Variants in CTNNA3 observed in about 807,000 individuals in gnomAD.
CTNNA3 encodes catenin alpha-3.
Under a neutral mutation model 95.7 loss-of-function variants are expected in CTNNA3, and 76 were observed. That is an observed-to-expected ratio of 0.79 (90% CI 0.66 to 0.96). The LOEUF is 0.96. Among genes scored for constraint, CTNNA3 ranks in the 40% least tolerant of loss-of-function variants. CTNNA3 has a pLI of 0.00. For missense variants in CTNNA3, 1,191 were observed against 1,089.8 expected (o/e 1.09, Z -1.31); for synonymous variants, 431 against 374.4 (o/e 1.15, Z -1.74).
chr10:66,676,186 C>T (rs979717023), intron 9 of CTNNA3, among the ~76,000 whole-genome samples: 1 of 140,366 alleles, frequency 7.1e-6, no homozygotes, highest in Admixed American at 7.0e-5. Flanking sequence ...AAAAAGAAAA[C>T]GGTGACAGAG....
At chr10:66,663,998 G>A (rs1450224976) in intron 9 of CTNNA3, among the ~76,000 whole-genome samples, 1 of 151,790 alleles carries the variant, frequency 6.6e-6, no homozygotes, top group Non-Finnish European at 1.5e-5. Context: ...TTATTCTTTT[G>A]TTTCCCTTAA....
chr10:66,157,271 A>G (rs2133921483), intron 13 of CTNNA3, among the ~76,000 whole-genome samples: 1 of 152,062 alleles, frequency 6.6e-6, no homozygotes, highest in African/African-American at 2.4e-5. Flanking sequence ...TAGTTCTCAT[A>G]TATCAGTGAG....
chr10:67,412,737 AT>A (rs1845412112), intron 5 of CTNNA3, among the ~76,000 whole-genome samples: 1 of 152,070 alleles, frequency 6.6e-6, no homozygotes, highest in African/African-American at 2.4e-5. Flanking sequence ...CCAACCAAAA[AT>A]TTTTATATCC....
chr10:67,584,176 G>T (rs1227052586), intron 3 of CTNNA3, among the ~76,000 whole-genome samples: 2 of 152,128 alleles, frequency 1.3e-5, no homozygotes, highest in East Asian at 3.9e-4. Flanking sequence ...TTTCTGCTCT[G>T]GTTTCTTCCC....
At chr10:67,185,406 G>A (rs1245573793) in intron 6 of CTNNA3, among the ~76,000 whole-genome samples, 1 of 152,086 alleles carries the variant, frequency 6.6e-6, no homozygotes, top group African/African-American at 2.4e-5. Flanking sequence ...GATTACAGGT[G>A]TGAGCCATCA....
At chr10:67,020,643 C>T (rs1282013368) in intron 7 of CTNNA3, among the ~76,000 whole-genome samples, 1 of 151,982 alleles carries the variant, frequency 6.6e-6, no homozygotes, top group Non-Finnish European at 1.5e-5. Context: ...CTTACTTCAA[C>T]GAACTTAAAA....
At chr10:67,573,429 T>C (rs1842039451) in intron 3 of CTNNA3, among the ~76,000 whole-genome samples, 1 of 152,192 alleles carries the variant, frequency 6.6e-6, no homozygotes, top group Non-Finnish European at 1.5e-5. Context: ...CCATAGCTTA[T>C]GTTTTCTTTT....
intron 11 of CTNNA3, among the ~76,000 whole-genome samples, chr10:66,502,345 A>G (rs548192661): frequency 6.6e-6 from 1 of 152,254 alleles, no homozygotes; most frequent in African/African-American, 2.4e-5. Flanking sequence ...CCTGACATCT[A>G]CTTCTCCTAT....
At chr10:66,554,230 C>T (rs1564529762) in intron 10 of CTNNA3, among the ~76,000 whole-genome samples, 2 of 152,034 alleles carry the variant, frequency 1.3e-5, no homozygotes, top group African/African-American at 4.8e-5. Context: ...TTCAGCTTCC[C>T]ATTGTTTTTG....
chr10:67,618,637 C>T (rs1843732016), intron 2 of CTNNA3, among the ~76,000 whole-genome samples: 1 of 152,116 alleles, frequency 6.6e-6, no homozygotes, highest in African/African-American at 2.4e-5. Context: ...GCTACTTGCT[C>T]ATCATGATGA....
chr10:66,929,411 T>C (rs1246492050), intron 7 of CTNNA3, among the ~76,000 whole-genome samples: 2 of 152,132 alleles, frequency 1.3e-5, no homozygotes, highest in Non-Finnish European at 2.9e-5. Flanking sequence ...GTTAGTAGAA[T>C]CCTTAGCTCT....
intron 5 of CTNNA3, among the ~76,000 whole-genome samples, chr10:67,459,520 A>G (rs1847298911): frequency 6.6e-6 from 1 of 152,134 alleles, no homozygotes; most frequent in Non-Finnish European, 1.5e-5. Context: ...TCTTTGATGA[A>G]TGTTTTATAA....
intron 7 of CTNNA3, among the ~76,000 whole-genome samples, chr10:67,017,500 T>C (rs1447391556): frequency 1.3e-5 from 2 of 152,174 alleles, no homozygotes; most frequent in African/African-American, 4.8e-5. Flanking sequence ...AATCTATCTT[T>C]TGTGTACCAC....
chr10:66,846,426 T>C (rs1325302985), intron 7 of CTNNA3, among the ~76,000 whole-genome samples: 1 of 151,824 alleles, frequency 6.6e-6, no homozygotes, highest in Non-Finnish European at 1.5e-5. Flanking sequence ...ACATATTGTA[T>C]ACTTGAAATT....
At chr10:67,555,946 G>T (rs955986976) in intron 3 of CTNNA3, among the ~76,000 whole-genome samples, 3 of 152,162 alleles carry the variant, frequency 2.0e-5, no homozygotes, top group Non-Finnish European at 4.4e-5. Context: ...CTAATTTATT[G>T]AGAGTTTTTA....
rs886686155 is a variant in CTNNA3, at chr10:67,488,793, C to T, written c.579+33049G>A. 4.6e-5 allele frequency among the ~76,000 whole-genome samples: 7 copies of T among 151,990 alleles called. 1 individual carries two copies. Among genetic ancestry groups the T allele is most frequent in the Admixed American group, 4.6e-4 (7 of 15,266 alleles). ...CAAGCAATTCTCCTGTCTCAGCCTC[C>T]TGAGTAGCTGGGACTACAGGCGCAT... On this transcript the variant is annotated intron_variant, in intron 5 of 17. Coordinates refer to ENST00000433211, the MANE Select transcript of CTNNA3 (RefSeq NM_013266.4).
Position 66,088,477 on chromosome 10 carries a change from T to C in CTNNA3, c.1977+14680A>G, listed in dbSNP as rs567289902. Among the ~76,000 whole-genome samples, 20 of 142,618 alleles carry C rather than the reference T, an allele frequency of 1.4e-4. No individual in the cohort carries two copies. The East Asian group carries it at 3.8e-3, about 27-fold the overall frequency. 93.6% of individuals were successfully genotyped at this position (142,618 alleles called of 152,430 possible). A position where few individuals can be genotyped will look rare whatever the true frequency, so the allele number is the denominator to read the frequency against. ...GTTGTTTCATATTTATGTAGATAGG[T>C]AGGTGTTTTGTGTGTGTGTGTGTGT... On this transcript the variant is annotated intron_variant, in intron 14 of 17. Transcript: ENST00000433211.
At chr10:67,255,535 C>T (rs535425193) in intron 5 of CTNNA3, among the ~76,000 whole-genome samples, 3 of 151,198 alleles carry the variant, frequency 2.0e-5, no homozygotes, top group African/African-American at 7.4e-5. Flanking sequence ...TACTGCTATA[C>T]CCGCTTTATA....
intron 17 of CTNNA3, among the ~76,000 whole-genome samples, chr10:65,944,638 T>C (rs1443932508): frequency 6.6e-6 from 1 of 152,194 alleles, no homozygotes; most frequent in African/African-American, 2.4e-5. Flanking sequence ...TGTCCATGCA[T>C]ATTAAGCCAT....
Sources: allele counts gnomAD v4.1 joint callset (sites outside exome capture counted in the v4.1 genomes callset), GRCh38; gene constraint gnomAD v4.1.1; transcripts MANE v1.5; gene names NCBI Gene and HGNC (gene_info 2026-07-23, HGNC 2026-07-21).